Variants in NCOR2 observed in about 807,000 individuals in gnomAD.
The protein encoded by NCOR2 is CTG repeat protein 26.
A neutral mutation model predicts 262.9 loss-of-function variants in NCOR2; 81 were observed. That is an observed-to-expected ratio of 0.31 (90% CI 0.26 to 0.37). NCOR2 has a LOEUF of 0.37. Ranked by LOEUF, NCOR2 falls within the 10% of genes least tolerant of loss-of-function variation. The probability of loss-of-function intolerance (pLI) is 1.00; values close to 1 mark genes in which losing one functional copy is unlikely to be tolerated. For synonymous variants in NCOR2, 1,659 were observed against 1,559.3 expected (o/e 1.06, Z -1.51); for missense variants, 3,385 against 3,621.4 (o/e 0.93, Z 1.68).
At chr12:124,545,695 A>C (rs2051520492) in intron 1 of NCOR2, among the ~76,000 whole-genome samples, 1 of 152,112 alleles carries the variant, frequency 6.6e-6, no homozygotes, top group Non-Finnish European at 1.5e-5. Flanking sequence ...ACGCAGCAGA[A>C]ACTGAAACAG....
intron 3 of NCOR2, among the ~76,000 whole-genome samples, chr12:124,476,228 C>A (rs765711791): frequency 2.6e-5 from 4 of 152,226 alleles, no homozygotes; most frequent in Non-Finnish European, 5.9e-5. Flanking sequence ...TCTGTGCCAA[C>A]TGACGTGAGA....
At chr12:124,453,393 C>G (rs540688525) in intron 6 of NCOR2, among the ~76,000 whole-genome samples, 3 of 152,148 alleles carry the variant, frequency 2.0e-5, no homozygotes, top group Admixed American at 6.5e-5. Context: ...AGGGGCGGCA[C>G]CCAGGAGGCC....
At chr12:124,461,614 C>G (rs577974506) in intron 5 of NCOR2, among the ~76,000 whole-genome samples, 1 of 152,240 alleles carries the variant, frequency 6.6e-6, no homozygotes, top group African/African-American at 2.4e-5. Context: ...CATGTCCACA[C>G]ACATCAAGGC....
chr12:124,555,775 G>A (rs940981581), intron 1 of NCOR2: 2 of 152,150 alleles, frequency 1.3e-5, no homozygotes, highest in African/African-American at 2.4e-5. Flanking sequence ...ATCCGTCTCG[G>A]GCCACCCATC....
chr12:124,371,389 T>G (rs2039499727), intron 20 of NCOR2, among the ~76,000 whole-genome samples: 1 of 152,212 alleles, frequency 6.6e-6, no homozygotes, highest in African/African-American at 2.4e-5. Flanking sequence ...GAATGTGACC[T>G]TATTTGGAAA....
intron 6 of NCOR2, among the ~76,000 whole-genome samples, chr12:124,453,781 G>A (rs954082073): frequency 3.3e-5 from 5 of 152,246 alleles, no homozygotes; most frequent in Admixed American, 6.5e-5. Context: ...CCACCACTGC[G>A]CCCGCTCCCA....
At chr12:124,385,519 C>T (rs2040741504) in intron 17 of NCOR2, among the ~76,000 whole-genome samples, 1 of 152,148 alleles carries the variant, frequency 6.6e-6, no homozygotes, top group South Asian at 2.1e-4. Flanking sequence ...TGGAGGGCAG[C>T]CTGGCCCGGC....
intron 8 of NCOR2, among the ~76,000 whole-genome samples, chr12:124,431,812 G>C (rs2043961673): frequency 6.7e-6 from 1 of 150,044 alleles, no homozygotes; most frequent in Non-Finnish European, 1.5e-5. Context: ...CAGGCAGACA[G>C]ACAGACAGAC....
chr12:124,325,587 CG>C lies in NCOR2; in HGVS notation c.7364-5del. Reference sequence around the variant, plus strand: ...TTGTAGGGGAATGGCGTGGAACCTGCGGGAAGAAGCGAAAGATGCCCAGGAG... The same window carrying C: ...TTGTAGGGGAATGGCGTGGAACCTGCGGAAGAAGCGAAAGATGCCCAGGAG... On this transcript the variant is annotated splice_region_variant and splice_polypyrimidine_tract_variant and intron_variant, in intron 46 of 46. Coordinates refer to ENST00000405201, the Ensembl canonical transcript of NCOR2. 7.9e-7 allele frequency: 1 copy of C among 1,273,382 alleles called. No homozygotes were observed. The highest frequency in any genetic ancestry group is 1.0e-6 in the Non-Finnish European group (1 of 1,000,248). 78.9% of individuals were successfully genotyped at this position (1,273,382 alleles called of 1,614,324 possible). A position where few individuals can be genotyped will look rare whatever the true frequency, so the allele number is the denominator to read the frequency against.
chr12:124,500,915 G>A (rs951351518), intron 1 of NCOR2, among the ~76,000 whole-genome samples: 10 of 152,162 alleles, frequency 6.6e-5, no homozygotes, highest in South Asian at 2.1e-4. Flanking sequence ...AAAGGCACGC[G>A]GGGCTCTGCG....
At chr12:124,499,046 G>C (rs999625203), upstream of NCOR2, among the ~76,000 whole-genome samples, 2 of 152,270 alleles carry the variant, frequency 1.3e-5, no homozygotes, top group South Asian at 4.1e-4. Flanking sequence ...CAAAGGTTTT[G>C]AAACTTGATA....
intron 10 of NCOR2, among the ~76,000 whole-genome samples, chr12:124,429,188 C>G (rs900856575): frequency 6.6e-6 from 1 of 152,266 alleles, no homozygotes; most frequent in Admixed American, 6.5e-5. Flanking sequence ...CTCCCCCCAC[C>G]CTGCCAGGCT....
chr12:124,372,382 G>C, exon 20 of NCOR2: 1 of 1,507,382 alleles, frequency 6.6e-7, no homozygotes, highest in Non-Finnish European at 8.8e-7. Context: ...AGGAGGTGCA[G>C]AGGGCGATGG....
At position 124,359,814 on chromosome 12, in the gene NCOR2, C is replaced by T. The variant is rs146438222; in HGVS notation, c.3100+2312G>A. On this transcript the variant is annotated intron_variant, in intron 22 of 46. Transcript: ENST00000405201. ...CCCCGAGGGACCTGCTTGGCTGAGC[C>T]GCTCTGTGTGGGAGCCAGGGGCAGA... Among the ~76,000 whole-genome samples, 34 of 152,364 alleles carry T rather than the reference C, an allele frequency of 2.2e-4. 1 individual carries two copies. Among genetic ancestry groups the T allele is most frequent in the South Asian group, 4.1e-4 (2 of 4,832 alleles).
At chr12:124,493,941 A>G (rs2048234933) in intron 1 of NCOR2, among the ~76,000 whole-genome samples, 1 of 152,140 alleles carries the variant, frequency 6.6e-6, no homozygotes, top group South Asian at 2.1e-4. Context: ...GTGGGATGAG[A>G]GCGTGAGCTG....
At chr12:124,484,500 T>C (rs1185114534) in intron 2 of NCOR2, among the ~76,000 whole-genome samples, 2 of 152,316 alleles carry the variant, frequency 1.3e-5, no homozygotes, top group East Asian at 3.9e-4. Context: ...AGAGCCTGAA[T>C]ATGGGCCTTG....
chr12:124,519,089 T>TACACACACACACACACAC (rs57438929), intron 1 of NCOR2, among the ~76,000 whole-genome samples: 49 of 97,330 alleles, frequency 5.0e-4, no homozygotes, highest in Admixed American at 9.0e-4. Flanking sequence ...GGCCAAATAA[T>TACACACACACACACACAC]ACACACACAC....
chr12:124,551,403 G>A (rs961901180), intron 1 of NCOR2, among the ~76,000 whole-genome samples: 9 of 152,230 alleles, frequency 5.9e-5, no homozygotes, highest in South Asian at 2.1e-4. Flanking sequence ...TTCCCAGGCC[G>A]TGCAGCGATA....
chr12:124,391,032 G>A (rs996808429), intron 16 of NCOR2, among the ~76,000 whole-genome samples: 2 of 152,334 alleles, frequency 1.3e-5, no homozygotes, highest in African/African-American at 4.8e-5. Flanking sequence ...TGCCATCCGC[G>A]GGCCCATGAC....
Sources: allele counts gnomAD v4.1 joint callset (sites outside exome capture counted in the v4.1 genomes callset), GRCh38; gene constraint gnomAD v4.1.1; transcripts MANE v1.5; gene names NCBI Gene and HGNC (gene_info 2026-07-23, HGNC 2026-07-21).